The following ARMC2 variants were observed in gnomAD, a reference collection of about 807,000 sequenced individuals.
ARMC2 encodes the protein armadillo repeat-containing protein 2.
A neutral mutation model predicts 90.3 loss-of-function variants in ARMC2; 67 were observed. The ratio of observed to expected loss-of-function variants is 0.74; its 90% CI spans 0.61 to 0.91. The LOEUF (loss-of-function observed/expected upper bound fraction) is 0.91. Among genes scored for constraint, ARMC2 ranks in the 40% least tolerant of loss-of-function variants. The pLI, the probability that ARMC2 is intolerant of heterozygous loss-of-function variation, is 0.00. For missense variants in ARMC2, 920 were observed against 1,030.9 expected (o/e 0.89, Z 1.47); for synonymous variants, 393 against 393.0 (o/e 1.00, Z 0.00).
Position 108,876,218 on chromosome 6 carries a change from C to T in ARMC2, c.539C>T (p.Thr180Ile), listed in dbSNP as rs780286091. ...SMVKINGIYL[T>I]KSNAICHLKS... Reference sequence around the variant, plus strand: ...GTGAAAATAAATGGGATTTATTTAACAAAATCAAATGCTATTTGCCACTTA... The same window carrying T: ...GTGAAAATAAATGGGATTTATTTAATAAAATCAAATGCTATTTGCCACTTA... Residue 180 changes from threonine to isoleucine, a missense_variant, in exon 5 of 18, where the codon ACA becomes ATA. Thr to Ile is a moderately conservative substitution (Grantham distance 89). Coordinates refer to ENST00000392644, the MANE Select transcript of ARMC2 (RefSeq NM_032131.6). 1.2e-5 allele frequency: 19 copies of T among 1,612,326 alleles called. No individual in the cohort carries two copies. Among genetic ancestry groups the T allele is most frequent in the Admixed American group, 8.4e-5 (5 of 59,752 alleles).
intron 4 of ARMC2, among the ~76,000 whole-genome samples, chr6:108,873,957 G>T (rs1168351004): frequency 1.3e-5 from 2 of 152,158 alleles, no homozygotes; most frequent in Non-Finnish European, 2.9e-5. Flanking sequence ...TCTGTTTGTT[G>T]CCCAAGAGCC....
chr6:108,944,463 T>C (rs1338922362), intron 12 of ARMC2, among the ~76,000 whole-genome samples: 1 of 152,070 alleles, frequency 6.6e-6, no homozygotes, highest in African/African-American at 2.4e-5. Flanking sequence ...CTGGCCAGAG[T>C]GGCTCCCTCA....
At chr6:108,954,806 C>G (rs1210123261) in intron 13 of ARMC2, among the ~76,000 whole-genome samples, 4 of 152,230 alleles carry the variant, frequency 2.6e-5, no homozygotes, top group African/African-American at 9.6e-5. Flanking sequence ...CAGTTCTGTG[C>G]TATACATTCA....
chr6:108,872,051 T>C (rs1351007990), intron 4 of ARMC2, among the ~76,000 whole-genome samples: 1 of 152,176 alleles, frequency 6.6e-6, no homozygotes, highest in Admixed American at 6.5e-5. Context: ...GCTCCCTGGG[T>C]TTCATTTCAG....
intron 12 of ARMC2, among the ~76,000 whole-genome samples, chr6:108,952,102 A>G (rs930216936): frequency 1.3e-5 from 2 of 152,234 alleles, no homozygotes; most frequent in Non-Finnish European, 2.9e-5. Flanking sequence ...AGATATAGAT[A>G]TAATACCATC....
chr6:108,855,806 A>G (rs534050066), intron 2 of ARMC2, among the ~76,000 whole-genome samples: 33 of 152,272 alleles, frequency 2.2e-4, no homozygotes, highest in African/African-American at 7.7e-4. Flanking sequence ...TTCCCTGGAC[A>G]TGTGATGTGG....
chr6:108,849,398 C>A (rs1773773055), intron 1 of ARMC2, among the ~76,000 whole-genome samples: 1 of 152,168 alleles, frequency 6.6e-6, no homozygotes, highest in Non-Finnish European at 1.5e-5. Context: ...AGTACCACCA[C>A]CCACCTTTTA....
chr6:109,034,746 G>A, the ARMC2 span, among the ~76,000 whole-genome samples: 78 of 152,186 alleles, frequency 5.1e-4, no homozygotes, highest in Non-Finnish European at 8.5e-4. Flanking sequence ...TAAATTCTTC[G>A]TCTGTCTGAA....
chr6:108,868,542 A>G (rs961230363), intron 3 of ARMC2, among the ~76,000 whole-genome samples: 4 of 152,200 alleles, frequency 2.6e-5, no homozygotes, highest in African/African-American at 9.6e-5. Flanking sequence ...TATACAGATA[A>G]TATCTGTTTG....
chr6:108,907,432 G>T (rs937568011), intron 8 of ARMC2, among the ~76,000 whole-genome samples: 3 of 148,144 alleles, frequency 2.0e-5, no homozygotes, highest in Non-Finnish European at 4.5e-5. Flanking sequence ...CATCAATATA[G>T]AAATGTTCTT....
intron 8 of ARMC2, 46 bp from the exon 9 acceptor site, chr6:108,910,853 T>C (rs756163151): frequency 1.2e-5 from 11 of 902,650 alleles, no homozygotes; most frequent in Non-Finnish European, 1.8e-5. Flanking sequence ...TAATACAGCA[T>C]GTCTTTATTT....
chr6:108,933,228 CTT>C (rs941734072), intron 11 of ARMC2, among the ~76,000 whole-genome samples: 2 of 152,010 alleles, frequency 1.3e-5, no homozygotes, highest in African/African-American at 4.8e-5. Flanking sequence ...TTGTTTGTGT[CTT>C]CTCTGATTTT....
At chr6:108,892,486 G>T (rs538335219) in intron 5 of ARMC2, among the ~76,000 whole-genome samples, 1 of 151,966 alleles carries the variant, frequency 6.6e-6, no homozygotes, top group African/African-American at 2.4e-5. Context: ...GCTGGTGGGC[G>T]CCATGGCTCA....
intron 3 of ARMC2, among the ~76,000 whole-genome samples, chr6:108,864,361 G>A (rs1392356588): frequency 1.3e-5 from 2 of 149,260 alleles, no homozygotes; most frequent in Non-Finnish European, 3.0e-5. Flanking sequence ...TGATTCTCCT[G>A]CCTCAGCCTC....
intron 12 of ARMC2, among the ~76,000 whole-genome samples, chr6:108,949,510 A>G (rs1012485956): frequency 1.3e-5 from 2 of 152,252 alleles, no homozygotes; most frequent in Non-Finnish European, 2.9e-5. Context: ...AGCAGGAAAC[A>G]TGTATCAAAG....
chr6:109,028,856 A>AT, the ARMC2 span, among the ~76,000 whole-genome samples: 3 of 152,180 alleles, frequency 2.0e-5, no homozygotes, highest in African/African-American at 7.2e-5. Flanking sequence ...AAACTTTCCA[A>AT]TAAATCTGCA....
intron 8 of ARMC2, among the ~76,000 whole-genome samples, chr6:108,907,083 A>T (rs1772816201): frequency 6.6e-6 from 1 of 152,220 alleles, no homozygotes; most frequent in Non-Finnish European, 1.5e-5. Flanking sequence ...GTAAATTGAC[A>T]TTATAGCAGG....
At chr6:108,984,820 T>C in the ARMC2 span, among the ~76,000 whole-genome samples, 2 of 152,258 alleles carry the variant, frequency 1.3e-5, no homozygotes, top group South Asian at 2.1e-4. Flanking sequence ...GGGGAAGAGC[T>C]AGGGTGAGCA....
the ARMC2 span, among the ~76,000 whole-genome samples, chr6:109,033,824 G>T: frequency 6.6e-6 from 1 of 152,166 alleles, no homozygotes; most frequent in Admixed American, 6.5e-5. Context: ...CAAGCTTTTA[G>T]TTAACAGTGC....
Sources: allele counts gnomAD v4.1 joint callset (sites outside exome capture counted in the v4.1 genomes callset), GRCh38; gene constraint gnomAD v4.1.1; transcripts MANE v1.5; gene names NCBI Gene and HGNC (gene_info 2026-07-23, HGNC 2026-07-21).